RANBP17: variants seen among roughly 807,000 people sequenced by gnomAD.
The protein encoded by RANBP17 is RAN binding protein 17.
A neutral mutation model predicts 141.2 loss-of-function variants in RANBP17; 158 were observed. The ratio of observed to expected loss-of-function variants is 1.12; its 90% confidence interval spans 0.98 to 1.28. RANBP17 has a LOEUF of 1.28. Ranked by LOEUF, RANBP17 falls within the 50% of genes most tolerant of loss-of-function variation. The probability of loss-of-function intolerance (pLI) is 0.00; values close to 1 mark genes in which losing one functional copy is unlikely to be tolerated. For synonymous variants in RANBP17, 430 were observed against 450.0 expected (o/e 0.96, Z 0.56); for missense variants, 1,438 against 1,290.7 (o/e 1.11, Z -1.75).
At chr5:171,198,797 A>G (rs1258797809) in intron 18 of RANBP17, among the ~76,000 whole-genome samples, 1 of 152,224 alleles carries the variant, frequency 6.6e-6, no homozygotes, top group African/African-American at 2.4e-5. Flanking sequence ...TCCACCTCCA[A>G]CTAAGTATTC....
chr5:171,168,696 G>A (rs1759876804), intron 14 of RANBP17, among the ~76,000 whole-genome samples: 1 of 152,064 alleles, frequency 6.6e-6, no homozygotes, highest in African/African-American at 2.4e-5. Flanking sequence ...AGCAACAATG[G>A]TCACTTTAAT....
chr5:170,962,552 C>T (rs998639293), intron 13 of RANBP17, among the ~76,000 whole-genome samples: 6 of 152,136 alleles, frequency 3.9e-5, no homozygotes, highest in Non-Finnish European at 2.9e-5. Flanking sequence ...CACTTGGCTC[C>T]AGAGATGAAA....
intron 14 of RANBP17, among the ~76,000 whole-genome samples, chr5:170,989,703 A>G (rs984588811): frequency 9.2e-5 from 14 of 151,706 alleles, no homozygotes; most frequent in African/African-American, 3.4e-4. Flanking sequence ...GTATTGGAGT[A>G]TGTGTGTTTT....
At chr5:171,279,768 G>A (rs1767739804) in intron 25 of RANBP17, among the ~76,000 whole-genome samples, 1 of 151,948 alleles carries the variant, frequency 6.6e-6, no homozygotes. Context: ...TGCAGTGACT[G>A]TATGAGAGAC....
intron 14 of RANBP17, among the ~76,000 whole-genome samples, chr5:171,079,189 G>A (rs1056696740): frequency 5.9e-5 from 9 of 152,120 alleles, no homozygotes; most frequent in Admixed American, 4.6e-4. Flanking sequence ...CTGCAGATGT[G>A]GTTGAAACAG....
At chr5:171,044,645 T>C (rs1032204776) in intron 14 of RANBP17, among the ~76,000 whole-genome samples, 3 of 152,092 alleles carry the variant, frequency 2.0e-5, no homozygotes, top group African/African-American at 7.2e-5. Flanking sequence ...GATATCTAAA[T>C]TGTTGATAAT....
chr5:171,282,702 A>G (rs529120754), intron 25 of RANBP17, among the ~76,000 whole-genome samples: 1 of 150,712 alleles, frequency 6.6e-6, no homozygotes, highest in East Asian at 1.9e-4. Context: ...CTGGTCTTGA[A>G]CTCCTGACCT....
intron 21 of RANBP17, among the ~76,000 whole-genome samples, chr5:171,216,301 G>A (rs1189368078): frequency 6.6e-6 from 1 of 152,130 alleles, no homozygotes; most frequent in Non-Finnish European, 1.5e-5. Flanking sequence ...TTTGGTTACT[G>A]TAGCCTTGTA....
intron 8 of RANBP17, among the ~76,000 whole-genome samples, chr5:170,915,650 C>T (rs1035323830): frequency 1.2e-4 from 18 of 152,032 alleles, no homozygotes; most frequent in African/African-American, 3.9e-4. Flanking sequence ...CCTTTTCCAG[C>T]ACCATTTTCA....
At chr5:170,967,256 A>G (rs1007818525) in intron 13 of RANBP17, among the ~76,000 whole-genome samples, 3 of 152,122 alleles carry the variant, frequency 2.0e-5, no homozygotes, top group Non-Finnish European at 4.4e-5. Flanking sequence ...TTGCCTGTAC[A>G]TACATAAAAC....
chr5:171,064,953 G>A (rs1457200514), intron 14 of RANBP17, among the ~76,000 whole-genome samples: 1 of 151,810 alleles, frequency 6.6e-6, no homozygotes, highest in Non-Finnish European at 1.5e-5. Context: ...AATTTTGTCA[G>A]TTACCTTTGA....
At chr5:171,289,075 A>G (rs1323827207) in intron 25 of RANBP17, among the ~76,000 whole-genome samples, 2 of 152,136 alleles carry the variant, frequency 1.3e-5, no homozygotes, top group Non-Finnish European at 2.9e-5. Flanking sequence ...TACTTCATTC[A>G]TCCTTTTGCA....
At chr5:170,923,519 C>T (rs1772650341) in intron 11 of RANBP17, among the ~76,000 whole-genome samples, 1 of 152,102 alleles carries the variant, frequency 6.6e-6, no homozygotes, top group Non-Finnish European at 1.5e-5. Flanking sequence ...TTCTTAGTTT[C>T]TACAAAGAAG....
intron 22 of RANBP17, among the ~76,000 whole-genome samples, chr5:171,239,327 C>T (rs549762927): frequency 6.6e-6 from 1 of 152,238 alleles, no homozygotes; most frequent in South Asian, 2.1e-4. Flanking sequence ...GAAGAGGGAA[C>T]CTTTACCCTG....
At chr5:171,272,772 A>G (rs1316506805) in intron 25 of RANBP17, among the ~76,000 whole-genome samples, 1 of 152,210 alleles carries the variant, frequency 6.6e-6, no homozygotes, top group South Asian at 2.1e-4. Flanking sequence ...ATACCCCAGC[A>G]TTATACTACA....
intron 14 of RANBP17, among the ~76,000 whole-genome samples, chr5:171,091,692 A>T (rs1395490377): frequency 6.6e-6 from 1 of 152,170 alleles, no homozygotes; most frequent in Non-Finnish European, 1.5e-5. Flanking sequence ...GATCTTTCCC[A>T]TGCTGTTCTC....
chr5:171,228,916 ATG>A (rs1326018153), intron 22 of RANBP17, among the ~76,000 whole-genome samples: 1 of 152,168 alleles, frequency 6.6e-6, no homozygotes, highest in South Asian at 2.1e-4. Flanking sequence ...AAACTTTTAT[ATG>A]CACTGAGAAA....
At chr5:171,011,323 G>A (rs994572999) in intron 14 of RANBP17, among the ~76,000 whole-genome samples, 5 of 152,026 alleles carry the variant, frequency 3.3e-5, no homozygotes, top group Middle Eastern at 6.8e-3. Flanking sequence ...GAAATGACCA[G>A]GTATCATATG....
At chr5:171,026,861 G>A (rs1207880119) in intron 14 of RANBP17, among the ~76,000 whole-genome samples, 1 of 152,140 alleles carries the variant, frequency 6.6e-6, no homozygotes, top group Non-Finnish European at 1.5e-5. Flanking sequence ...CCACAGGTTG[G>A]TACTGGTTTG....
Sources: gnomAD v4.1 joint callset for allele counts (sites outside exome capture counted in the v4.1 genomes callset) on GRCh38, gnomAD v4.1.1 for gene constraint, MANE v1.5 for transcripts, NCBI Gene and HGNC (gene_info 2026-07-23, HGNC 2026-07-21) for gene names.